The following NRG1 variants were observed in gnomAD, a reference collection of about 807,000 sequenced individuals.
NRG1 encodes neuregulin 1.
Under a neutral mutation model 63.8 loss-of-function variants are expected in NRG1, and 18 were observed. The ratio of observed to expected loss-of-function variants is 0.28; its 90% CI spans 0.19 to 0.42. The LOEUF (loss-of-function observed/expected upper bound fraction) is 0.42, where lower values mean the gene tolerates loss of function less well. Among genes scored for constraint, NRG1 ranks in the 10% least tolerant of loss-of-function variants. The probability of loss-of-function intolerance (pLI) is 1.00; values close to 1 mark genes in which losing one functional copy is unlikely to be tolerated. For missense variants in NRG1, 762 were observed against 814.7 expected, an observed-to-expected ratio of 0.94 and a Z score of 0.79; for synonymous variants, 302 against 301.3, an observed-to-expected ratio of 1.00 and a Z score of -0.02.
chr8:31,763,811 A>G (rs1170124278), intron 1 of NRG1, among the ~76,000 whole-genome samples: 1 of 152,058 alleles, frequency 6.6e-6, no homozygotes, highest in African/African-American at 2.4e-5. Context: ...TTAGCCTGGC[A>G]TGGTGGCGGG....
intron 1 of NRG1, among the ~76,000 whole-genome samples, chr8:31,652,979 C>CCTCTG (rs1563257931): frequency 2.2e-5 from 1 of 46,128 alleles, no homozygotes; most frequent in African/African-American, 7.0e-5. Flanking sequence ...CCTCTCCTCT[C>CCTCTG]CTCTCCTCTC....
chr8:32,500,600 A>G lies in NRG1; in HGVS notation c.38-95228A>G, dbSNP rs368882649. On this transcript the variant is annotated intron_variant, in intron 1 of 10. Coordinates refer to the NRG1 transcript ENST00000519301. The stretch of plus-strand genomic sequence containing the variant: ...AATTGTGTTCTGTTCCAAGGAGAAT[A>G]GATTCTTATGGAACTTAGGCAAATA... Among the ~76,000 whole-genome samples the G allele has an allele frequency of 6.7e-4, 102 of 152,344 alleles. 1 individual carries two copies. In the Middle Eastern group the frequency reaches 0.02, roughly 30 times the overall value.
rs1342794278 is a variant in NRG1, at chr8:31,639,683, G to A, written c.37+252G>A. 13 of 1,401,316 alleles carry A rather than the reference G, an allele frequency of 9.3e-6. No homozygotes were observed. In the East Asian group the frequency reaches 2.6e-4, roughly 28 times the overall value. The allele number at this position is 1,401,316 out of a possible 1,614,324, so 86.8% of individuals were successfully genotyped here. On this transcript the variant is annotated intron_variant, in intron 1 of 10. Transcript: ENST00000519301. ...CTCGGGCGCGGCGGCGGCGCGGGGGGTGGGGGGACCTGTCACTCCCTGTAA... is the reference window on the plus strand; with the variant it reads ...CTCGGGCGCGGCGGCGGCGCGGGGGATGGGGGGACCTGTCACTCCCTGTAA...
chr8:31,661,337 G>A lies in NRG1; in HGVS notation c.37+21906G>A, dbSNP rs374070381. ...AATTAAAATTCCTCAGCTTATGAAG[G>A]TCTGGTCCTGGTCCTAAGTGAACTA... On this transcript the variant is annotated intron_variant, in intron 1 of 10. Coordinates refer to the NRG1 transcript ENST00000519301. 4.6e-5 allele frequency among the ~76,000 whole-genome samples: 7 copies of A among 152,130 alleles called. No homozygotes were observed. The East Asian group carries it at 1.2e-3, about 25-fold the overall frequency.
chr8:32,769,815 T>G (rs1483177221), downstream of NRG1, among the ~76,000 whole-genome samples: 1 of 152,172 alleles, frequency 6.6e-6, no homozygotes, highest in East Asian at 1.9e-4. Context: ...GCAGGTATCT[T>G]TAGGCTCCTG....
intron 5 of NRG1, among the ~76,000 whole-genome samples, chr8:32,722,362 A>T (rs553274530): frequency 2.8e-4 from 42 of 152,200 alleles, no homozygotes; most frequent in African/African-American, 9.6e-4. Flanking sequence ...TGTCTACTTC[A>T]CTGATAAGGA....
At chr8:31,890,131 G>A (rs1203164320) in intron 1 of NRG1, among the ~76,000 whole-genome samples, 2 of 152,054 alleles carry the variant, frequency 1.3e-5, no homozygotes, top group Non-Finnish European at 2.9e-5. Flanking sequence ...TCCATCCCTG[G>A]CCACTGTGAA....
Position 31,800,837 on chromosome 8 carries a change from C to CTTTTTTTTTTTT in NRG1, c.37+161416_37+161427dup, listed in dbSNP as rs5890598. ...GATTTAGATTTCTCCAGTCTCCTTTCTTTTTTTTTTTTTTTTTTTTTGAGA... is the reference window on the plus strand; with the variant it reads ...GATTTAGATTTCTCCAGTCTCCTTTCTTTTTTTTTTTTTTTTTTTTTTTTTTTTTTTTTGAGA... On this transcript the variant is annotated intron_variant, in intron 1 of 10. Coordinates refer to the NRG1 transcript ENST00000519301. Among the ~76,000 whole-genome samples the CTTTTTTTTTTTT allele has an allele frequency of 1.1e-3, 117 of 105,044 alleles. 1 individual carries two copies. Among genetic ancestry groups the CTTTTTTTTTTTT allele is most frequent in the African/African-American group, 4.2e-3 (111 of 26,686 alleles). The allele number at this position is 105,044 out of a possible 152,430, so 68.9% of individuals were successfully genotyped here.
chr8:32,579,195 C>CTTTTTTTT (rs71208196), intron 1 of NRG1, among the ~76,000 whole-genome samples: 44 of 105,390 alleles, frequency 4.2e-4, no homozygotes, highest in South Asian at 7.1e-4. Flanking sequence ...TTTCTTCTGT[C>CTTTTTTTT]TTTTTTTTTT....
intron 1 of NRG1, among the ~76,000 whole-genome samples, chr8:31,731,414 T>TCACACACACA (rs1478363452): frequency 1.1e-5 from 1 of 87,756 alleles, no homozygotes; most frequent in African/African-American, 4.4e-5. Context: ...CAAAATTATG[T>TCACACACACA]CATACACACA....
At chr8:32,668,356 A>G (rs939637787) in intron 5 of NRG1, among the ~76,000 whole-genome samples, 4 of 152,058 alleles carry the variant, frequency 2.6e-5, no homozygotes, top group Non-Finnish European at 5.9e-5. Flanking sequence ...ATTTTCTCCA[A>G]CTGAGCTCAT....
chr8:32,588,934 T>C (rs1047273325), intron 1 of NRG1, among the ~76,000 whole-genome samples: 1 of 152,172 alleles, frequency 6.6e-6, no homozygotes, highest in African/African-American at 2.4e-5. Context: ...ATCAAGAACA[T>C]TCTGTCTAAG....
At chr8:31,904,908 A>G (rs370429058) in intron 1 of NRG1, among the ~76,000 whole-genome samples, 1 of 152,244 alleles carries the variant, frequency 6.6e-6, no homozygotes, top group African/African-American at 2.4e-5. Flanking sequence ...AAAACTACCT[A>G]TCAAATACTA....
chr8:31,842,507 T>C (rs1826288778), intron 1 of NRG1, among the ~76,000 whole-genome samples: 1 of 152,202 alleles, frequency 6.6e-6, no homozygotes, highest in African/African-American at 2.4e-5. Flanking sequence ...TCAATGGAAA[T>C]TAAACTCCAT....
intron 3 of NRG1, 48 bp from the exon 4 acceptor site, chr8:32,614,466 C>T (rs188020622): frequency 1.0e-4 from 164 of 1,588,876 alleles, no homozygotes; most frequent in Admixed American, 9.7e-4. Context: ...TACCTGCTCC[C>T]GGCCTCCTGT....
At chr8:32,392,489 C>T (rs1455710324) in intron 1 of NRG1, among the ~76,000 whole-genome samples, 2 of 152,162 alleles carry the variant, frequency 1.3e-5, no homozygotes. Context: ...CTCCATGTTC[C>T]TCCTAAATGA....
chr8:32,266,185 C>T (rs772773178), intron 1 of NRG1, among the ~76,000 whole-genome samples: 10 of 152,054 alleles, frequency 6.6e-5, no homozygotes, highest in Non-Finnish European at 1.0e-4. Context: ...CAACAGTGTG[C>T]GCTGATGTGT....
At chr8:32,645,384 G>C (rs997389903) in intron 5 of NRG1, among the ~76,000 whole-genome samples, 1 of 152,220 alleles carries the variant, frequency 6.6e-6, no homozygotes, top group Non-Finnish European at 1.5e-5. Flanking sequence ...TCATAAACTT[G>C]TCATAGTCAT....
At chr8:32,530,405 C>T (rs1012281080) in intron 1 of NRG1, among the ~76,000 whole-genome samples, 2 of 152,168 alleles carry the variant, frequency 1.3e-5, no homozygotes, top group Non-Finnish European at 2.9e-5. Context: ...CCGCGCCCAG[C>T]CAGCTCCATT....
Sources: allele counts gnomAD v4.1 joint callset (sites outside exome capture counted in the v4.1 genomes callset), GRCh38; gene constraint gnomAD v4.1.1; transcripts MANE v1.5; gene names NCBI Gene and HGNC (gene_info 2026-07-23, HGNC 2026-07-21).